Variants in MTMR1 observed in about 807,000 individuals in gnomAD.
MTMR1 encodes phosphatidylinositol-3-phosphate phosphatase MTMR1.
Under a neutral mutation model 51.6 loss-of-function variants are expected in MTMR1, and 17 were observed. The ratio of observed to expected loss-of-function variants is 0.33; its 90% CI spans 0.23 to 0.49. The LOEUF is 0.49. Among genes scored for constraint, MTMR1 ranks in the 20% least tolerant of loss-of-function variants. The pLI, the probability that MTMR1 is intolerant of heterozygous loss-of-function variation, is 0.99. For synonymous variants in MTMR1, 201 were observed against 205.6 expected (o/e 0.98, Z 0.19); for missense variants, 386 against 526.9 (o/e 0.73, Z 2.62).
At chrX:150,714,373 T>G (rs1442563074) in intron 3 of MTMR1, 1 of 441,163 alleles carries the variant, frequency 2.3e-6, no homozygotes, top group Non-Finnish European at 3.6e-6. Flanking sequence ...TTTTACATGC[T>G]TACTGTCTCC....
chrX:150,703,135 AC>A (rs782568880), intron 2 of MTMR1, among the ~76,000 whole-genome samples: 1 of 112,431 alleles, frequency 8.9e-6, no homozygotes, highest in South Asian at 3.6e-4. Flanking sequence ...ACAAATGGAA[AC>A]ATTTTTAGGA....
At chrX:150,758,425 C>T (rs886984262) in intron 15 of MTMR1, among the ~76,000 whole-genome samples, 1 of 112,354 alleles carries the variant, frequency 8.9e-6, no homozygotes, top group Non-Finnish European at 1.9e-5. Flanking sequence ...CTCCAGCTCC[C>T]CACGCCCTCT....
At chrX:150,750,994 A>C (rs781903955) in intron 14 of MTMR1, 151 bp downstream of exon 14, 1 of 1,129,921 alleles carries the variant, frequency 8.9e-7, no homozygotes, top group Non-Finnish European at 1.2e-6. Flanking sequence ...GGCCAGCCCC[A>C]CCGCATGTGT....
chrX:150,697,727 C>G (rs989215949), intron 1 of MTMR1, among the ~76,000 whole-genome samples: 6 of 111,651 alleles, frequency 5.4e-5, no homozygotes, highest in Admixed American at 1.9e-4. Context: ...TGAGGCTGGG[C>G]AAGGCTACGT....
Position 150,744,387 on chromosome X carries a change from T to C in MTMR1, c.1500T>C (p.His500=). 1 of 1,211,513 alleles carries C rather than the reference T, an allele frequency of 8.3e-7. No homozygotes were observed. The highest frequency in any genetic ancestry group is 1.1e-6 in the Non-Finnish European group (1 of 895,243). ...ALRVGHGNDN[H]ADADRSPIFL... is the part of the protein sequence containing the mutation. ...GAGTGGGCCATGGTAATGACAACCA[T>C]GCGGATGCTGACCGATCTCCCATAT... The change falls in exon 13 of 16, where the codon CAT becomes CAC. Residue 500 remains histidine (H), a synonymous_variant. Transcript: ENST00000445323.
At chrX:150,755,042 A>G (rs2042864417) in intron 14 of MTMR1, among the ~76,000 whole-genome samples, 1 of 108,214 alleles carries the variant, frequency 9.2e-6, no homozygotes, top group African/African-American at 3.4e-5. Flanking sequence ...AAAAAAAAAA[A>G]AAGGAGTCAC....
chrX:150,727,263 C>T lies in MTMR1; in HGVS notation c.401C>T (p.Thr134Ile), dbSNP rs782524669. 2 of 1,209,921 alleles carry T rather than the reference C, an allele frequency of 1.7e-6. No individual in the cohort carries two copies. Among genetic ancestry groups the T allele is most frequent in the South Asian group, 3.5e-5 (2 of 56,632 alleles). ...ICPFMGAVSGTLTVTDFKLYF... is the reference protein window; with the variant it reads ...ICPFMGAVSGILTVTDFKLYF... The stretch of plus-strand genomic sequence containing the variant: ...CCATTTATGGGAGCAGTGAGTGGAA[C>T]CCTGACAGTGACGGACTTTAAGCTG... Residue 134 changes from threonine to isoleucine, a missense_variant, in exon 5 of 16, where the codon ACC becomes ATC. Physicochemically the swap from Thr to Ile is moderately conservative, Grantham distance 89 (BLOSUM62 -1). Transcript: ENST00000445323.
intron 13 of MTMR1, among the ~76,000 whole-genome samples, chrX:150,747,155 G>A (rs960898077): frequency 7.2e-5 from 8 of 110,999 alleles, no homozygotes; most frequent in Non-Finnish European, 1.5e-4. Context: ...TCCTCAAGAG[G>A]TGCAGAATTG....
intron 12 of MTMR1, among the ~76,000 whole-genome samples, chrX:150,737,940 G>A (rs1011225451): frequency 4.5e-5 from 5 of 111,195 alleles, no homozygotes; most frequent in Non-Finnish European, 7.5e-5. Context: ...GTTAGCGGGC[G>A]CCTGTAGTCC....
At chrX:150,702,123 C>T (rs952548460) in intron 2 of MTMR1, among the ~76,000 whole-genome samples, 5 of 99,062 alleles carry the variant, frequency 5.0e-5, no homozygotes, top group Non-Finnish European at 1.0e-4. Flanking sequence ...GGTCTTACTA[C>T]GTTTCCCAGG....
Position 150,763,285 on chromosome X carries a change from T to TTAGAA in MTMR1, c.*560_*564dup, listed in dbSNP as rs1171155996. 1 of 113,337 alleles carries TTAGAA rather than the reference T, an allele frequency of 8.8e-6. No individual in the cohort carries two copies. Among genetic ancestry groups the TTAGAA allele is most frequent in the African/African-American group, 3.2e-5 (1 of 31,146 alleles). The allele number at this position is 113,337 out of a possible 1,213,427, so 9.3% of individuals were successfully genotyped here. On this transcript the variant is annotated 3_prime_UTR_variant, in exon 16 of 16. Coordinates refer to ENST00000445323, the MANE Select transcript of MTMR1 (RefSeq NM_001306144.3). ...TATTTTCCTATGTCCTTTTTTACGTTTAGAATAGTCACCCGAGGGGGGATC... is the reference window on the plus strand; with the variant it reads ...TATTTTCCTATGTCCTTTTTTACGTTTAGAATAGAATAGTCACCCGAGGGGGGATC...
intron 6 of MTMR1, among the ~76,000 whole-genome samples, chrX:150,728,027 T>A (rs1469186748): frequency 8.9e-6 from 1 of 111,968 alleles, no homozygotes; most frequent in Non-Finnish European, 1.9e-5. Context: ...GGGGGATTGA[T>A]TCCAGGACCT....
At chrX:150,708,808 A>G (rs890182921) in intron 2 of MTMR1, among the ~76,000 whole-genome samples, 1 of 111,572 alleles carries the variant, frequency 9.0e-6, no homozygotes, top group Non-Finnish European at 1.9e-5. Context: ...AACAATCTGC[A>G]AGGGAGGTGC....
intron 14 of MTMR1, among the ~76,000 whole-genome samples, chrX:150,751,978 G>A (rs1203915165): frequency 5.5e-5 from 5 of 91,234 alleles, no homozygotes; most frequent in South Asian, 1.2e-3. Flanking sequence ...GTGCAGTGGC[G>A]CCATCTCAGC....
intron 2 of MTMR1, among the ~76,000 whole-genome samples, chrX:150,707,833 A>T (rs781847688): frequency 8.9e-6 from 1 of 112,498 alleles, no homozygotes; most frequent in Non-Finnish European, 1.9e-5. Flanking sequence ...GATGTTCTTC[A>T]TCAGGTATAT....
At chrX:150,730,476 G>T in intron 7 of MTMR1, 49 bp from the exon 8 acceptor site, 1 of 847,626 alleles carries the variant, frequency 1.2e-6, no homozygotes, top group Non-Finnish European at 1.7e-6. Flanking sequence ...TTGGGTATAT[G>T]ATATAAAAAG....
At chrX:150,762,014 C>A (rs781977581) in intron 15 of MTMR1, among the ~76,000 whole-genome samples, 1 of 112,808 alleles carries the variant, frequency 8.9e-6, no homozygotes, top group Non-Finnish European at 1.9e-5. Flanking sequence ...CCCCACCCCC[C>A]TGCCGGCACT....
At chrX:150,723,720 C>T (rs932622352) in intron 4 of MTMR1, among the ~76,000 whole-genome samples, 8 of 111,883 alleles carry the variant, frequency 7.2e-5, no homozygotes, top group Non-Finnish European at 1.1e-4. Flanking sequence ...CTGATCCTCT[C>T]CCTCCTCCCA....
chrX:150,732,489 AG>A, intron 9 of MTMR1, 52 bp from the exon 10 acceptor site: 1 of 1,053,402 alleles, frequency 9.5e-7, no homozygotes, highest in East Asian at 3.1e-5. Flanking sequence ...CCAGGTAATT[AG>A]AGCATACATT....
Sources: gnomAD v4.1 joint callset for allele counts (sites outside exome capture counted in the v4.1 genomes callset) on GRCh38, gnomAD v4.1.1 for gene constraint, MANE v1.5 for transcripts, NCBI Gene and HGNC (gene_info 2026-07-23, HGNC 2026-07-21) for gene names.